The following GOLM2 variants were observed in gnomAD, a reference collection of about 807,000 sequenced individuals.
GOLM2 encodes golgi membrane protein 2.
Under a neutral mutation model 55.9 loss-of-function variants are expected in GOLM2, and 26 were observed. The ratio of observed to expected loss-of-function variants is 0.47; its 90% confidence interval spans 0.34 to 0.65. The LOEUF is 0.65. Ranked by LOEUF, GOLM2 falls within the 30% of genes least tolerant of loss-of-function variation. The probability of loss-of-function intolerance (pLI) is 0.01; values close to 1 mark genes in which losing one functional copy is unlikely to be tolerated. For synonymous variants in GOLM2, 165 were observed against 194.6 expected (o/e 0.85, Z 1.27); for missense variants, 486 against 531.8 (o/e 0.91, Z 0.85).
At chr15:44,351,217 G>A (rs2079160217) in intron 6 of GOLM2, among the ~76,000 whole-genome samples, 1 of 152,020 alleles carries the variant, frequency 6.6e-6, no homozygotes, top group Admixed American at 6.6e-5. Context: ...AAGGTGAAAG[G>A]ATTCCCACTT....
At chr15:44,290,713 T>C (rs1410954320) in intron 1 of GOLM2, among the ~76,000 whole-genome samples, 1 of 152,236 alleles carries the variant, frequency 6.6e-6, no homozygotes, top group Non-Finnish European at 1.5e-5. Context: ...CATTCTTCTC[T>C]CTGGTCTCAA....
chr15:44,415,654 G>GT lies in GOLM2; in HGVS notation c.*2254dup, dbSNP rs1408276304. The GT allele has an allele frequency of 6.6e-6, 1 of 152,400 alleles. No homozygotes were observed. Among genetic ancestry groups the GT allele is most frequent in the Non-Finnish European group, 1.5e-5 (1 of 67,986 alleles). 9.4% of individuals were successfully genotyped at this position (152,400 alleles called of 1,614,324 possible). On this transcript the variant is annotated 3_prime_UTR_variant, in exon 10 of 10. Coordinates refer to ENST00000299957, the MANE Select transcript of GOLM2 (RefSeq NM_138423.4). ...GTTTTACTTCTGCCTTAAGATTTAG[G>GT]TTTTTTAAATGTATTTTTGCCCTGA...
chr15:44,384,518 G>A (rs922702121), intron 8 of GOLM2, among the ~76,000 whole-genome samples: 2 of 151,972 alleles, frequency 1.3e-5, no homozygotes, highest in Admixed American at 6.6e-5. Context: ...AGGCTGAGGC[G>A]GGCAGATCAC....
At chr15:44,397,490 A>C (rs901888909) in intron 8 of GOLM2, among the ~76,000 whole-genome samples, 2 of 148,652 alleles carry the variant, frequency 1.3e-5, no homozygotes, top group African/African-American at 5.0e-5. Context: ...AAAAAAAAAA[A>C]AAAAAAAAAA....
At chr15:44,363,326 T>A (rs1378569699) in intron 6 of GOLM2, among the ~76,000 whole-genome samples, 1 of 151,940 alleles carries the variant, frequency 6.6e-6, no homozygotes, top group Non-Finnish European at 1.5e-5. Flanking sequence ...GAATCTACAA[T>A]GAACTCAAAC....
chr15:44,310,624 G>C (rs1471473016), intron 1 of GOLM2, among the ~76,000 whole-genome samples: 1 of 151,722 alleles, frequency 6.6e-6, no homozygotes, highest in Non-Finnish European at 1.5e-5. Context: ...AAACTCCTTT[G>C]ATCCCAGGAA....
intron 9 of GOLM2, among the ~76,000 whole-genome samples, chr15:44,404,689 G>A (rs2079586537): frequency 6.6e-6 from 1 of 151,986 alleles, no homozygotes; most frequent in South Asian, 2.1e-4. Flanking sequence ...TTGGAGGGCA[G>A]GAATTTTTAT....
intron 1 of GOLM2, among the ~76,000 whole-genome samples, chr15:44,299,693 C>T (rs2078783273): frequency 6.6e-6 from 1 of 151,972 alleles, no homozygotes; most frequent in African/African-American, 2.4e-5. Flanking sequence ...CCTGTTTCTT[C>T]ACTCATAAAA....
At chr15:44,345,262 A>G (rs1595638192) in intron 6 of GOLM2, among the ~76,000 whole-genome samples, 2 of 148,724 alleles carry the variant, frequency 1.3e-5, no homozygotes, top group African/African-American at 5.0e-5. Flanking sequence ...GGTGCCCGCC[A>G]CCACATCCAG....
At position 44,288,947 on chromosome 15, in the gene GOLM2, G is replaced by A. The variant is rs1024079034; in HGVS notation, c.-83G>A. On this transcript the variant is annotated 5_prime_UTR_variant, in exon 1 of 10. Coordinates refer to ENST00000299957, the MANE Select transcript of GOLM2 (RefSeq NM_138423.4). ...CTCGGCCGGCCCTGGGGCCGTGTCC[G>A]CCGGGCAACTCCAGCCGAGGCCTGG... The A allele has an allele frequency of 7.5e-6, 10 of 1,337,822 alleles. No homozygotes were observed. The African/African-American group carries it at 1.3e-4, about 18-fold the overall frequency. The allele number at this position is 1,337,822 out of a possible 1,614,324, so 82.9% of individuals were successfully genotyped here. A position where few individuals can be genotyped will look rare whatever the true frequency, so the allele number is the denominator to read the frequency against.
At chr15:44,332,558 T>C (rs1193118798) in intron 4 of GOLM2, among the ~76,000 whole-genome samples, 1 of 140,338 alleles carries the variant, frequency 7.1e-6, no homozygotes, top group Admixed American at 6.8e-5. Context: ...AGACTCCGTT[T>C]CAAAAAAAAA....
At chr15:44,350,250 A>G (rs754731798) in intron 6 of GOLM2, among the ~76,000 whole-genome samples, 1 of 152,150 alleles carries the variant, frequency 6.6e-6, no homozygotes, top group Non-Finnish European at 1.5e-5. Context: ...AGACTAAGAA[A>G]AAAAGAAGAC....
intron 1 of GOLM2, among the ~76,000 whole-genome samples, chr15:44,317,926 C>G (rs1287045424): frequency 6.6e-6 from 1 of 152,182 alleles, no homozygotes; most frequent in Non-Finnish European, 1.5e-5. Context: ...ATCAATTCCA[C>G]AAGACTATTC....
chr15:44,303,068 A>T (rs536752408), intron 1 of GOLM2, among the ~76,000 whole-genome samples: 2 of 151,952 alleles, frequency 1.3e-5, no homozygotes, highest in African/African-American at 4.8e-5. Flanking sequence ...GCGCCACTGC[A>T]CTCTAGCCTG....
At chr15:44,376,182 C>T (rs1261258945) in intron 6 of GOLM2, among the ~76,000 whole-genome samples, 2 of 152,034 alleles carry the variant, frequency 1.3e-5, no homozygotes, top group South Asian at 2.1e-4. Context: ...TGTGGTGAGC[C>T]GAGATCGCGC....
At chr15:44,365,388 G>A (rs1345625769) in intron 6 of GOLM2, among the ~76,000 whole-genome samples, 1 of 152,058 alleles carries the variant, frequency 6.6e-6, no homozygotes, top group African/African-American at 2.4e-5. Flanking sequence ...TTAGCTGGGT[G>A]TGGTGGTGTG....
rs376235763 is a variant in GOLM2 at position 44,394,971 on chromosome 15, C to T, written c.1073-7916C>T. On this transcript the variant is annotated intron_variant, in intron 8 of 9. Coordinates refer to ENST00000299957, the MANE Select transcript of GOLM2 (RefSeq NM_138423.4). ...AGCTCTAATAGTTTCATTTTGCTTA[C>T]AATAGTGGTAATATATTACATTAAT... Among the ~76,000 whole-genome samples, 63 of 151,902 alleles carry T rather than the reference C, an allele frequency of 4.1e-4. 1 individual carries two copies. In the East Asian group the frequency reaches 0.012, roughly 28 times the overall value.
intron 8 of GOLM2, among the ~76,000 whole-genome samples, chr15:44,389,510 A>T (rs946188271): frequency 6.6e-6 from 1 of 152,212 alleles, no homozygotes; most frequent in Non-Finnish European, 1.5e-5. Context: ...CTTAGACAAC[A>T]GAGTGAGACC....
intron 6 of GOLM2, chr15:44,345,966 A>G (rs931420808): frequency 1.3e-5 from 2 of 151,904 alleles, no homozygotes; most frequent in African/African-American, 4.8e-5. Flanking sequence ...TAGTAGCGTG[A>G]TCTTGGCTCA....
Sources: allele counts gnomAD v4.1 joint callset (sites outside exome capture counted in the v4.1 genomes callset), GRCh38; gene constraint gnomAD v4.1.1; transcripts MANE v1.5; gene names NCBI Gene and HGNC (gene_info 2026-07-23, HGNC 2026-07-21).